CAMKMT: variants seen among roughly 807,000 people sequenced by gnomAD.
CAMKMT encodes the protein calmodulin-lysine N-methyltransferase, also known as CaM KMT.
Under a neutral mutation model 48.0 loss-of-function variants are expected in CAMKMT, and 53 were observed. That is an observed-to-expected ratio of 1.10 (90% confidence interval 0.89 to 1.39). CAMKMT has a LOEUF of 1.39. Ranked by LOEUF, CAMKMT falls within the 40% of genes most tolerant of loss-of-function variation. CAMKMT has a pLI of 0.00. For synonymous variants in CAMKMT, 165 were observed against 152.3 expected, an observed-to-expected ratio of 1.08 and a Z score of -0.61; for missense variants, 428 against 402.7, an observed-to-expected ratio of 1.06 and a Z score of -0.54.
At chr2:44,387,087 A>T (rs1680847409) in intron 2 of CAMKMT, among the ~76,000 whole-genome samples, 1 of 152,260 alleles carries the variant, frequency 6.6e-6, no homozygotes, top group African/African-American at 2.4e-5. Flanking sequence ...TTCTGTCTTG[A>T]TGACCTGTCT....
chr2:44,522,305 C>T (rs907296893), intron 3 of CAMKMT, among the ~76,000 whole-genome samples: 1 of 151,894 alleles, frequency 6.6e-6, no homozygotes, highest in African/African-American at 2.4e-5. Context: ...GAGCCCGGCC[C>T]CTCTTTTCAT....
chr2:44,743,055 G>A (rs956939874), intron 7 of CAMKMT, among the ~76,000 whole-genome samples: 1 of 152,208 alleles, frequency 6.6e-6, no homozygotes, highest in African/African-American at 2.4e-5. Context: ...TTAATGTGAA[G>A]TTTTAAACCT....
At position 44,744,788 on chromosome 2, in the gene CAMKMT, T is replaced by C. The variant is rs564123091; in HGVS notation, c.698+1092T>C. ...TCATTGGAATTAGGTTTGCTTTTTT[T>C]CTTCAGAAAAAAAAACACTTCTCCA... On this transcript the variant is annotated intron_variant, in intron 8 of 10. Transcript: ENST00000378494. Among the ~76,000 whole-genome samples, 372 of 152,104 alleles carry C rather than the reference T, an allele frequency of 2.4e-3. 1 individual carries two copies. Among genetic ancestry groups the C allele is most frequent in the African/African-American group, 8.4e-3 (350 of 41,524 alleles).
intron 3 of CAMKMT, among the ~76,000 whole-genome samples, chr2:44,557,906 C>A (rs1193539422): frequency 1.3e-5 from 2 of 152,180 alleles, no homozygotes; most frequent in African/African-American, 2.4e-5. Context: ...CCACTCCCCA[C>A]TGCGCATGTC....
chr2:44,633,451 T>C lies in CAMKMT; in HGVS notation c.377-70832T>C, dbSNP rs1345604875. On this transcript the variant is annotated intron_variant, in intron 3 of 10. Transcript: ENST00000378494. The stretch of plus-strand genomic sequence containing the variant: ...TATGTCACTGAGGCTCTGTTGTTTT[T>C]CGTTTTTTACCCCTTTCTCTTTCTC... Among the ~76,000 whole-genome samples the C allele has an allele frequency of 3.9e-5, 6 of 152,188 alleles. 1 individual carries two copies. The highest frequency in any genetic ancestry group is 8.8e-5 in the Non-Finnish European group (6 of 68,036).
intron 3 of CAMKMT, among the ~76,000 whole-genome samples, chr2:44,703,771 T>TAAAAA (rs547342457): frequency 1.2e-5 from 1 of 84,086 alleles, no homozygotes; most frequent in Non-Finnish European, 2.3e-5. Context: ...AGCAAGACTC[T>TAAAAA]AAAAAAAAAA....
intron 3 of CAMKMT, among the ~76,000 whole-genome samples, chr2:44,597,311 T>A (rs1391419977): frequency 6.6e-6 from 1 of 152,228 alleles, no homozygotes; most frequent in Non-Finnish European, 1.5e-5. Flanking sequence ...GAATTTCCCT[T>A]AGCTACCTCC....
At chr2:44,497,803 A>C (rs1669827528) in intron 3 of CAMKMT, among the ~76,000 whole-genome samples, 1 of 151,822 alleles carries the variant, frequency 6.6e-6, no homozygotes. Flanking sequence ...AAGACCAAGC[A>C]GGCATCAGAG....
intron 3 of CAMKMT, among the ~76,000 whole-genome samples, chr2:44,477,733 A>G (rs188952956): frequency 6.8e-4 from 103 of 152,340 alleles, no homozygotes; most frequent in East Asian, 1.3e-3. Flanking sequence ...AAGAATAGTC[A>G]TTTGAAGAAA....
chr2:44,504,230 G>A (rs1670148651), intron 3 of CAMKMT, among the ~76,000 whole-genome samples: 1 of 152,084 alleles, frequency 6.6e-6, no homozygotes. Flanking sequence ...GTTATGGTGA[G>A]TCCCACCCTT....
intron 3 of CAMKMT, among the ~76,000 whole-genome samples, chr2:44,670,941 T>C (rs1675293310): frequency 6.6e-6 from 1 of 152,162 alleles, no homozygotes; most frequent in Non-Finnish European, 1.5e-5. Flanking sequence ...GACCTATCAA[T>C]TTTTGGGCCC....
At chr2:44,370,438 A>T (rs1489149502) in intron 1 of CAMKMT, among the ~76,000 whole-genome samples, 1 of 152,026 alleles carries the variant, frequency 6.6e-6, no homozygotes, top group Non-Finnish European at 1.5e-5. Context: ...ATTTCATCTA[A>T]ATTTTTAAAG....
At chr2:44,599,214 T>C (rs1168414159) in intron 3 of CAMKMT, among the ~76,000 whole-genome samples, 6 of 152,232 alleles carry the variant, frequency 3.9e-5, no homozygotes, top group Middle Eastern at 6.8e-3. Flanking sequence ...ATTTCTGTTT[T>C]CCATTTCTCA....
At chr2:44,374,257 G>A (rs1679464200) in intron 2 of CAMKMT, among the ~76,000 whole-genome samples, 1 of 152,068 alleles carries the variant, frequency 6.6e-6, no homozygotes, top group Non-Finnish European at 1.5e-5. Flanking sequence ...CCTTTTGATG[G>A]AGATAATCAG....
At chr2:44,754,464 G>A (rs935931430) in intron 9 of CAMKMT, among the ~76,000 whole-genome samples, 6 of 152,110 alleles carry the variant, frequency 3.9e-5, no homozygotes, top group Non-Finnish European at 8.8e-5. Context: ...GTTTTCTGTT[G>A]ACTTCTGTCA....
chr2:44,371,398 C>A (rs186529038), intron 1 of CAMKMT, among the ~76,000 whole-genome samples: 1 of 152,334 alleles, frequency 6.6e-6, no homozygotes, highest in African/African-American at 2.4e-5. Context: ...GGATTACAGA[C>A]ATGAGCCACT....
At chr2:44,491,509 C>G (rs1669504473) in intron 3 of CAMKMT, among the ~76,000 whole-genome samples, 2 of 152,048 alleles carry the variant, frequency 1.3e-5, no homozygotes, top group Non-Finnish European at 2.9e-5. Flanking sequence ...AACAGGGTTA[C>G]AAAAATTTTG....
chr2:44,550,352 T>C (rs1382776204), intron 3 of CAMKMT, among the ~76,000 whole-genome samples: 4 of 150,234 alleles, frequency 2.7e-5, no homozygotes, highest in East Asian at 2.0e-4. Flanking sequence ...GTAGTGCCAC[T>C]GCACTCCAGC....
chr2:44,533,402 C>G (rs968735767), intron 3 of CAMKMT, among the ~76,000 whole-genome samples: 1 of 151,690 alleles, frequency 6.6e-6, no homozygotes, highest in African/African-American at 2.4e-5. Flanking sequence ...CCACACCCAG[C>G]TGATTTTTGT....
Sources: allele counts gnomAD v4.1 joint callset (sites outside exome capture counted in the v4.1 genomes callset), GRCh38; gene constraint gnomAD v4.1.1; transcripts MANE v1.5; gene names NCBI Gene and HGNC (gene_info 2026-07-23, HGNC 2026-07-21).